Variants in FMO1 observed in about 807,000 individuals in gnomAD.
FMO1 encodes flavin containing dimethylaniline monoxygenase 1, also known as flavin-containing monooxygenase 1.
A neutral mutation model predicts 45.4 loss-of-function variants in FMO1; 36 were observed. The ratio of observed to expected loss-of-function variants is 0.79; its 90% CI spans 0.61 to 1.05. The LOEUF is 1.05. FMO1 is among the 50% of genes least tolerant of loss of function. FMO1 has a pLI of 0.00. For missense variants in FMO1, 615 were observed against 640.3 expected (o/e 0.96, Z 0.43); for synonymous variants, 228 against 227.2 (o/e 1.00, Z -0.03).
chr1:171,275,610 T>C, intron 4 of FMO1, 102 bp downstream of exon 4: 2 of 845,834 alleles, frequency 2.4e-6, no homozygotes, highest in Non-Finnish European at 3.6e-6. Flanking sequence ...ATTAAATAGT[T>C]AAAGTTGGGA....
chr1:171,273,883 A>C (rs1355984448), intron 3 of FMO1, among the ~76,000 whole-genome samples: 1 of 152,164 alleles, frequency 6.6e-6, no homozygotes, highest in Non-Finnish European at 1.5e-5. Context: ...AGTAAACACA[A>C]GGCCAGGTGC....
intron 3 of FMO1, among the ~76,000 whole-genome samples, chr1:171,274,406 A>G (rs1454075418): frequency 6.6e-6 from 1 of 151,888 alleles, no homozygotes; most frequent in African/African-American, 2.4e-5. Flanking sequence ...GACTACAGGC[A>G]TGGGCCACCA....
intron 1 of FMO1, among the ~76,000 whole-genome samples, chr1:171,248,987 T>C (rs1172923326): frequency 6.6e-6 from 1 of 151,694 alleles, no homozygotes; most frequent in Non-Finnish European, 1.5e-5. Flanking sequence ...TTTTTAGTGC[T>C]TCCATCAGCA....
chr1:171,257,690 A>G (rs1309765086), intron 1 of FMO1: 1 of 251,954 alleles, frequency 4.0e-6, no homozygotes, highest in Non-Finnish European at 7.8e-6. Context: ...TGATAAAGAG[A>G]TTGTGTCTGA....
At chr1:171,284,135 G>T (rs540399422) in intron 8 of FMO1, among the ~76,000 whole-genome samples, 1 of 144,082 alleles carries the variant, frequency 6.9e-6, no homozygotes. Flanking sequence ...CTGTTTCTGC[G>T]TTTGATATAC....
intron 7 of FMO1, 131 bp downstream of exon 7, chr1:171,282,464 A>G: frequency 1.6e-6 from 1 of 636,712 alleles, no homozygotes; most frequent in Non-Finnish European, 2.7e-6. Flanking sequence ...GATGCATTCT[A>G]TTGTTTGCTG....
intron 3 of FMO1, chr1:171,270,988 ACCT>A (rs1163465499): frequency 1.9e-5 from 17 of 892,936 alleles, no homozygotes; most frequent in African/African-American, 8.4e-5. Flanking sequence ...TTCTTCATCT[ACCT>A]CCTCATCATA....
At chr1:171,267,437 C>T in intron 2 of FMO1, 106 bp from the exon 3 acceptor site, 2 of 689,190 alleles carry the variant, frequency 2.9e-6, no homozygotes, top group Non-Finnish European at 2.4e-6. Context: ...TTTCTATATT[C>T]TCCTGTGCTT....
chr1:171,271,521 C>A, intron 3 of FMO1: 1 of 863,376 alleles, frequency 1.2e-6, no homozygotes, highest in Non-Finnish European at 2.0e-6. Flanking sequence ...CTCTTCCCGA[C>A]AAGTTTGCAC....
chr1:171,269,351 T>C (rs1660753854), intron 3 of FMO1, among the ~76,000 whole-genome samples: 1 of 152,152 alleles, frequency 6.6e-6, no homozygotes, highest in South Asian at 2.1e-4. Context: ...AAAATGCTGA[T>C]AGTGATATGA....
intron 6 of FMO1, among the ~76,000 whole-genome samples, chr1:171,281,362 C>T (rs1472198942): frequency 3.3e-5 from 5 of 152,146 alleles, no homozygotes; most frequent in Non-Finnish European, 7.3e-5. Context: ...AAAAGAAACA[C>T]ACTTGCCCAG....
Position 171,280,950 on chromosome 1 carries a change from C to T in FMO1, c.792C>T (p.Leu264=), listed in dbSNP as rs1661329945. Residue 264 remains leucine, a synonymous_variant, in exon 6 of 9, where the codon CTC becomes CTT. Transcript: ENST00000617670. ...TGGAGCGAAAGATAAACAACTGGCT[C>T]AATCATGCAAATTACGGCTTAATAC... The part of the protein sequence containing the change: ...WLMERKINNW[L]NHANYGLIPE... The T allele has an allele frequency of 6.2e-7, 1 of 1,613,672 alleles. No homozygotes were observed. The highest frequency in any genetic ancestry group is 1.3e-5 in the African/African-American group (1 of 74,854).
chr1:171,262,600 A>G (rs1660421856), intron 2 of FMO1, among the ~76,000 whole-genome samples: 1 of 152,234 alleles, frequency 6.6e-6, no homozygotes, highest in Non-Finnish European at 1.5e-5. Context: ...GTGTAAAAAT[A>G]CTTCACACTT....
At chr1:171,256,625 C>G (rs1319087704) in intron 1 of FMO1, among the ~76,000 whole-genome samples, 1 of 151,932 alleles carries the variant, frequency 6.6e-6, no homozygotes, top group African/African-American at 2.4e-5. Flanking sequence ...AACACTTTTA[C>G]ATGTTGCTTG....
chr1:171,280,671 T>G, intron 5 of FMO1, 115 bp from the exon 6 acceptor site: 1 of 781,822 alleles, frequency 1.3e-6, no homozygotes. Context: ...GGGTGTATTT[T>G]GAGAGTGGCA....
chr1:171,279,808 C>A (rs1037904430), intron 5 of FMO1, among the ~76,000 whole-genome samples: 1 of 152,152 alleles, frequency 6.6e-6, no homozygotes, highest in African/African-American at 2.4e-5. Context: ...ATAATCTGAA[C>A]CAAATCTGCC....
intron 2 of FMO1, among the ~76,000 whole-genome samples, chr1:171,264,707 G>A (rs1660534861): frequency 6.6e-6 from 1 of 151,992 alleles, no homozygotes; most frequent in East Asian, 1.9e-4. Flanking sequence ...GGCTAACATG[G>A]TGAAACCCCG....
chr1:171,257,955 C>A, intron 1 of FMO1, 127 bp from the exon 2 acceptor site: 1 of 1,037,546 alleles, frequency 9.6e-7, no homozygotes, highest in Non-Finnish European at 1.4e-6. Context: ...ACACCAGAGA[C>A]CCGCTACAGA....
chr1:171,277,238 C>T (rs1332173612), intron 4 of FMO1, among the ~76,000 whole-genome samples: 2 of 152,086 alleles, frequency 1.3e-5, no homozygotes, highest in Non-Finnish European at 2.9e-5. Flanking sequence ...TGTTAACTGT[C>T]AAATAAAATT....
Sources: gnomAD v4.1 joint callset for allele counts (sites outside exome capture counted in the v4.1 genomes callset) on GRCh38, gnomAD v4.1.1 for gene constraint, MANE v1.5 for transcripts, NCBI Gene and HGNC (gene_info 2026-07-23, HGNC 2026-07-21) for gene names.